The following SDK1 variants were observed in gnomAD, a reference collection of about 807,000 sequenced individuals.
The protein encoded by SDK1 is protein sidekick-1.
SDK1 carries 157 observed loss-of-function variants against 245.5 expected under a neutral mutation model. That is an observed-to-expected ratio of 0.64 (90% CI 0.56 to 0.73). SDK1 has a LOEUF of 0.73. Ranked by LOEUF, SDK1 falls within the 30% of genes least tolerant of loss-of-function variation. The pLI is 0.00. For missense variants in SDK1, 3,583 were observed against 3,002.3 expected, an observed-to-expected ratio of 1.19 and a Z score of -4.52; for synonymous variants, 1,647 against 1,278.5, an observed-to-expected ratio of 1.29 and a Z score of -6.15.
intron 35 of SDK1, among the ~76,000 whole-genome samples, chr7:4,185,115 G>A (rs1782808540): frequency 1.3e-5 from 2 of 152,236 alleles, no homozygotes; most frequent in African/African-American, 2.4e-5. Flanking sequence ...ACTGTGAAGC[G>A]AGAGGGTCCC....
chr7:3,948,150 T>A (rs1780652650), intron 5 of SDK1, among the ~76,000 whole-genome samples: 1 of 152,106 alleles, frequency 6.6e-6, no homozygotes, highest in African/African-American at 2.4e-5. Context: ...AGAAAATGCA[T>A]AGCTTTGCCA....
At chr7:3,342,194 G>T (rs1378145070) in intron 1 of SDK1, among the ~76,000 whole-genome samples, 1 of 152,212 alleles carries the variant, frequency 6.6e-6, no homozygotes, top group Admixed American at 6.5e-5. Context: ...GACATCCATA[G>T]ACGAAATGAT....
chr7:3,463,188 T>C (rs184291886), intron 1 of SDK1, among the ~76,000 whole-genome samples: 7 of 152,378 alleles, frequency 4.6e-5, no homozygotes, highest in Admixed American at 3.9e-4. Context: ...GCTTTGCTTA[T>C]TCTTCATAGT....
At chr7:3,653,620 A>C (rs1783073271) in intron 4 of SDK1, among the ~76,000 whole-genome samples, 1 of 152,164 alleles carries the variant, frequency 6.6e-6, no homozygotes, top group Non-Finnish European at 1.5e-5. Context: ...TTAGAACCTC[A>C]GTAGGGAACA....
In SDK1 at chr7:3,862,425, T is replaced by C. The variant is rs1353688414; in HGVS notation, c.847+40842T>C. On this transcript the variant is annotated intron_variant, in intron 5 of 44. Coordinates refer to ENST00000404826, the MANE Select transcript of SDK1 (RefSeq NM_152744.4). ...AGCAAATCTTGTGGGAATAGAATGA[T>C]TTTTGACAATGTCTTCTTTTTGGTA... 2.0e-5 allele frequency among the ~76,000 whole-genome samples: 3 copies of C among 152,224 alleles called. No individual in the cohort carries two copies. The East Asian group carries it at 5.8e-4, about 29-fold the overall frequency.
chr7:3,938,708 G>C (rs1780251572), intron 5 of SDK1, among the ~76,000 whole-genome samples: 1 of 151,176 alleles, frequency 6.6e-6, no homozygotes, highest in Non-Finnish European at 1.5e-5. Flanking sequence ...GATCACTCTA[G>C]CATCCAATCA....
At chr7:4,052,456 A>T (rs1778930747) in intron 19 of SDK1, among the ~76,000 whole-genome samples, 1 of 152,168 alleles carries the variant, frequency 6.6e-6, no homozygotes, top group African/African-American at 2.4e-5. Flanking sequence ...GATGTTCCAG[A>T]TGGGGAGAAT....
At chr7:4,193,134 ATATAT>A (rs1783312399) in intron 35 of SDK1, among the ~76,000 whole-genome samples, 1 of 133,432 alleles carries the variant, frequency 7.5e-6, no homozygotes, top group South Asian at 2.2e-4. Context: ...TAATATATAA[ATATAT>A]TAATATATTT....
At chr7:3,701,971 C>G (rs1015049587) in intron 4 of SDK1, among the ~76,000 whole-genome samples, 1 of 149,524 alleles carries the variant, frequency 6.7e-6, no homozygotes. Flanking sequence ...GTATCTTGAC[C>G]TACACCCTAA....
intron 20 of SDK1, among the ~76,000 whole-genome samples, chr7:4,075,427 G>A (rs1311153061): frequency 6.6e-6 from 1 of 152,042 alleles, no homozygotes; most frequent in Non-Finnish European, 1.5e-5. Context: ...GCTTTCATCA[G>A]AATGAGGAGG....
intron 1 of SDK1, among the ~76,000 whole-genome samples, chr7:3,430,059 T>C (rs141466140): frequency 1.8e-4 from 28 of 152,374 alleles, no homozygotes; most frequent in African/African-American, 6.7e-4. Context: ...ATGGTGGAAC[T>C]CTGCCTCTCA....
At chr7:3,833,996 T>C (rs1252159749) in intron 5 of SDK1, among the ~76,000 whole-genome samples, 1 of 152,184 alleles carries the variant, frequency 6.6e-6, no homozygotes, top group Non-Finnish European at 1.5e-5. Flanking sequence ...AGATTTTGAA[T>C]ATCATCTCAA....
intron 1 of SDK1, among the ~76,000 whole-genome samples, chr7:3,428,357 A>C (rs929365272): frequency 6.6e-6 from 1 of 152,188 alleles, no homozygotes; most frequent in African/African-American, 2.4e-5. Context: ...AAATTTATGC[A>C]TCTCAGAACT....
intron 4 of SDK1, among the ~76,000 whole-genome samples, chr7:3,820,435 A>C (rs1779616529): frequency 6.6e-6 from 1 of 152,194 alleles, no homozygotes; most frequent in African/African-American, 2.4e-5. Flanking sequence ...GATGTGAGCC[A>C]CTGCGCTCAG....
At chr7:3,920,667 G>T (rs1313564143) in intron 5 of SDK1, among the ~76,000 whole-genome samples, 2 of 152,210 alleles carry the variant, frequency 1.3e-5, no homozygotes, top group Non-Finnish European at 2.9e-5. Flanking sequence ...AGCTGGGGCT[G>T]CAGGTGGAGA....
chr7:4,009,240 A>G (rs1052048033), intron 14 of SDK1, among the ~76,000 whole-genome samples: 3 of 152,192 alleles, frequency 2.0e-5, no homozygotes, highest in African/African-American at 7.2e-5. Context: ...TCTTCTACAT[A>G]CCAGTTCTCT....
intron 1 of SDK1, among the ~76,000 whole-genome samples, chr7:3,492,853 A>C (rs1016701756): frequency 1.3e-5 from 2 of 152,244 alleles, no homozygotes; most frequent in Admixed American, 1.3e-4. Flanking sequence ...CTAATGACTA[A>C]AATTTTGATA....
intron 35 of SDK1, among the ~76,000 whole-genome samples, chr7:4,205,231 C>T (rs993168236): frequency 1.1e-4 from 16 of 152,186 alleles, no homozygotes; most frequent in African/African-American, 2.9e-4. Context: ...AGAGGGGCAA[C>T]TCTGTGTATC....
intron 5 of SDK1, among the ~76,000 whole-genome samples, chr7:3,923,453 G>A (rs1779662681): frequency 6.6e-6 from 1 of 152,156 alleles, no homozygotes; most frequent in South Asian, 2.1e-4. Context: ...GAAGTTGCCC[G>A]GGCTCTACTC....
Sources: allele counts gnomAD v4.1 joint callset (sites outside exome capture counted in the v4.1 genomes callset), GRCh38; gene constraint gnomAD v4.1.1; transcripts MANE v1.5; gene names NCBI Gene and HGNC (gene_info 2026-07-23, HGNC 2026-07-21).